TBC1D26: variants seen among roughly 807,000 people sequenced by gnomAD.
The protein encoded by TBC1D26 is TBC1 domain family member 26, also known as TBC1 domain family, member 26.
Under a neutral mutation model 42.5 loss-of-function variants are expected in TBC1D26, and 19 were observed. The ratio of observed to expected loss-of-function variants is 0.45; its 90% confidence interval spans 0.31 to 0.66. TBC1D26 has a LOEUF of 0.66. Ranked by LOEUF, TBC1D26 falls within the 30% of genes least tolerant of loss-of-function variation. The pLI is 0.06. For synonymous variants in TBC1D26, 97 were observed against 123.5 expected (o/e 0.79, Z 1.42); for missense variants, 228 against 332.6 (o/e 0.69, Z 2.45).
intron 8 of TBC1D26, among the ~76,000 whole-genome samples, chr17:15,739,715 G>A (rs2529972): frequency 1.3e-5 from 2 of 152,406 alleles, no homozygotes; most frequent in Non-Finnish European, 2.9e-5. Context: ...GGGACGTGCT[G>A]GGGACTTGGA....
intron 8 of TBC1D26, among the ~76,000 whole-genome samples, chr17:15,739,383 G>A (rs1163109078): frequency 2.0e-5 from 3 of 152,370 alleles, no homozygotes; most frequent in Non-Finnish European, 2.9e-5. Context: ...AGTAAAACCC[G>A]CATGTGACGT....
intron 1 of TBC1D26, chr17:15,733,890 A>G (rs1252060787): frequency 6.6e-6 from 1 of 152,260 alleles, no homozygotes; most frequent in Non-Finnish European, 1.5e-5. Flanking sequence ...TCTGTGGTGC[A>G]TGAACGACTT....
intron 8 of TBC1D26, among the ~76,000 whole-genome samples, chr17:15,739,782 T>G (rs1266826543): frequency 6.6e-6 from 1 of 152,276 alleles, no homozygotes; most frequent in African/African-American, 2.4e-5. Context: ...CTCTGCACAT[T>G]AGTTCAGAAC....
intron 10 of TBC1D26, chr17:15,741,554 G>A (rs1295966612): frequency 2.1e-6 from 1 of 470,118 alleles, no homozygotes; most frequent in East Asian, 4.0e-5. Flanking sequence ...CCTCCCAGCT[G>A]GCTGTGCTCC....
intron 8 of TBC1D26, among the ~76,000 whole-genome samples, chr17:15,739,182 CACTG>C (rs1967705451): frequency 6.6e-6 from 1 of 150,818 alleles, no homozygotes; most frequent in Non-Finnish European, 1.5e-5. Context: ...TCCCAGGCAA[CACTG>C]ACTGCCCAAA....
At chr17:15,741,295 C>T in intron 10 of TBC1D26, 74 bp downstream of exon 10, 2 of 1,603,984 alleles carry the variant, frequency 1.2e-6, no homozygotes, top group South Asian at 2.2e-5. Flanking sequence ...GGGACAGCCA[C>T]CCTGGCCGGT....
At chr17:15,737,746 C>A in intron 5 of TBC1D26, 2 of 822,944 alleles carry the variant, frequency 2.4e-6, no homozygotes, top group Non-Finnish European at 1.9e-6. Context: ...CTGTTTGAAC[C>A]AAGACCCCAG....
At position 15,735,370 on chromosome 17, in the gene TBC1D26, T is replaced by A; in HGVS notation, c.22T>A (p.Tyr8Asn). MEMDGDPYNLPAQGQGNI... is the reference protein window; with the variant it reads MEMDGDPNNLPAQGQGNI... ...CAGGATGGAGATGGATGGGGACCCG[T>A]ATAACCTGCCTGCCCAGGGGCAAGG... The change falls in exon 3 of 15, where the codon TAT (tyrosine) becomes AAT (asparagine). Residue 8 changes from tyrosine to asparagine, a missense_variant. This residue lies in a region of TBC1D26 where 18 missense variants were observed against 22.5 expected (regional missense o/e 0.80). Coordinates refer to ENST00000437605, the MANE Select transcript of TBC1D26 (RefSeq NM_001388465.1). 4 of 1,613,574 alleles carry A rather than the reference T, an allele frequency of 2.5e-6. No homozygotes were observed. Among genetic ancestry groups the A allele is most frequent in the South Asian group, 2.2e-5 (2 of 91,052 alleles).
intron 5 of TBC1D26, 177 bp from the exon 6 acceptor site, chr17:15,737,820 C>A: frequency 1.2e-6 from 1 of 861,298 alleles, no homozygotes; most frequent in Non-Finnish European, 1.8e-6. Flanking sequence ...GTCATGGCAT[C>A]ACCATTCCAG....
chr17:15,743,311 C>G, intron 13 of TBC1D26, 56 bp from the exon 14 acceptor site: 1 of 931,148 alleles, frequency 1.1e-6, no homozygotes, highest in East Asian at 1.2e-4. Context: ...AAATGGGGTG[C>G]AGGCACTGTC....
At chr17:15,735,836 C>T (rs1435179999) in intron 4 of TBC1D26, 157 bp downstream of exon 4, 1 of 599,068 alleles carries the variant, frequency 1.7e-6, no homozygotes, top group African/African-American at 1.9e-5. Context: ...TCGGTCCAGC[C>T]TGTGGTCAGG....
chr17:15,738,464 A>T, intron 7 of TBC1D26, 77 bp downstream of exon 7: 1 of 1,550,196 alleles, frequency 6.5e-7, no homozygotes, highest in South Asian at 1.2e-5. Context: ...AGCTGGAGGG[A>T]ACGTTGAGCC....
At chr17:15,737,259 G>T (rs1450188293) in intron 4 of TBC1D26, among the ~76,000 whole-genome samples, 3 of 152,220 alleles carry the variant, frequency 2.0e-5, no homozygotes, top group Admixed American at 2.0e-4. Flanking sequence ...GGCTTCAAGT[G>T]TCCCCCCCAC....
At chr17:15,743,575 A>T in intron 14 of TBC1D26, 59 bp downstream of exon 14, 1 of 746,056 alleles carries the variant, frequency 1.3e-6, no homozygotes, top group South Asian at 5.8e-5. Flanking sequence ...AATGGTGGGG[A>T]GTGCCGTGGC....
chr17:15,735,153 C>T (rs1473238447), intron 2 of TBC1D26, 83 bp downstream of exon 2: 1 of 645,868 alleles, frequency 1.5e-6, no homozygotes, highest in Non-Finnish European at 2.7e-6. Context: ...GGAAGGAGCC[C>T]ACCACTGGTT....
intron 9 of TBC1D26, chr17:15,740,721 T>G: frequency 9.2e-7 from 1 of 1,087,356 alleles, no homozygotes. Context: ...AGGCAGCCCT[T>G]GGGCTGTTGC....
chr17:15,735,256 C>A (rs1229803690), intron 2 of TBC1D26, 92 bp from the exon 3 acceptor site: 7 of 1,114,482 alleles, frequency 6.3e-6, no homozygotes, highest in Non-Finnish European at 9.4e-6. Flanking sequence ...GCTCACCAGA[C>A]TGGAGTGTGT....
At position 15,735,363 on chromosome 17, in the gene TBC1D26, G is replaced by T. The variant is rs769384152; in HGVS notation, c.15G>T (p.Gly5=). MEMD[G]DPYNLPAQGQ... is the part of the protein sequence containing the mutation. ...TGTCTTGCAGGATGGAGATGGATGG[G>T]GACCCGTATAACCTGCCTGCCCAGG... is the stretch of plus-strand genomic sequence containing the variant. Residue 5 remains glycine, a synonymous_variant, in exon 3 of 15, where the codon GGG becomes GGT. Transcript: ENST00000437605. The T allele has an allele frequency of 6.2e-7, 1 of 1,613,794 alleles. No individual in the cohort carries two copies. Among genetic ancestry groups the T allele is most frequent in the African/African-American group, 1.3e-5 (1 of 74,900 alleles).
intron 1 of TBC1D26, among the ~76,000 whole-genome samples, chr17:15,734,241 G>A (rs1043742990): frequency 6.6e-6 from 1 of 151,824 alleles, no homozygotes; most frequent in Non-Finnish European, 1.5e-5. Flanking sequence ...TTGAGTTCTG[G>A]AATTCAATGA....
Sources: allele counts gnomAD v4.1 joint callset (sites outside exome capture counted in the v4.1 genomes callset), GRCh38; gene constraint gnomAD v4.1.1; regional missense constraint gnomAD v4.1.1; transcripts MANE v1.5; gene names NCBI Gene and HGNC (gene_info 2026-07-23, HGNC 2026-07-21).